PAK5: variants seen among roughly 807,000 people sequenced by gnomAD.
PAK5 encodes the protein p21 (RAC1) activated kinase 5, also known as serine/threonine-protein kinase PAK 5.
PAK5 carries 16 observed loss-of-function variants against 65.9 expected under a neutral mutation model. The ratio of observed to expected loss-of-function variants is 0.24; its 90% CI spans 0.16 to 0.37. The LOEUF (loss-of-function observed/expected upper bound fraction) is 0.37, where lower values mean the gene tolerates loss of function less well. Ranked by LOEUF, PAK5 falls within the 10% of genes least tolerant of loss-of-function variation. PAK5 has a pLI of 1.00. For missense variants in PAK5, 785 were observed against 903.9 expected, an observed-to-expected ratio of 0.87 and a Z score of 1.69; for synonymous variants, 371 against 354.9, an observed-to-expected ratio of 1.05 and a Z score of -0.51.
At chr20:9,562,466 G>A (rs2045605430) in intron 6 of PAK5, among the ~76,000 whole-genome samples, 1 of 152,166 alleles carries the variant, frequency 6.6e-6, no homozygotes, top group African/African-American at 2.4e-5. Context: ...GTGCCACCCA[G>A]ATTCATTATT....
At chr20:9,835,745 T>C (rs1438674508) in intron 1 of PAK5, among the ~76,000 whole-genome samples, 3 of 152,118 alleles carry the variant, frequency 2.0e-5, no homozygotes, top group Admixed American at 6.5e-5. Flanking sequence ...TAAGACTGCA[T>C]GATGGTTTTA....
At chr20:9,781,458 T>G (rs140729939) in intron 1 of PAK5, among the ~76,000 whole-genome samples, 3 of 152,146 alleles carry the variant, frequency 2.0e-5, no homozygotes, top group African/African-American at 7.2e-5. Context: ...CACACCATAT[T>G]TGTGTAAACT....
chr20:9,729,251 T>C (rs1436370311), intron 1 of PAK5, among the ~76,000 whole-genome samples: 3 of 151,870 alleles, frequency 2.0e-5, no homozygotes, highest in Non-Finnish European at 4.4e-5. Context: ...AAAAAATTCA[T>C]AATAAAAATT....
intron 2 of PAK5, among the ~76,000 whole-genome samples, chr20:9,660,448 G>C (rs2047329434): frequency 6.6e-6 from 1 of 151,802 alleles, no homozygotes; most frequent in Admixed American, 6.6e-5. Context: ...CAATAGGGAG[G>C]CAGACAAAGA....
intron 3 of PAK5, among the ~76,000 whole-genome samples, chr20:9,586,587 TA>T (rs1257800922): frequency 6.6e-6 from 1 of 152,144 alleles, no homozygotes; most frequent in Non-Finnish European, 1.5e-5. Context: ...GCCTATTAAA[TA>T]GAGCTTTTTC....
intron 1 of PAK5, among the ~76,000 whole-genome samples, chr20:9,774,848 C>T (rs1369177732): frequency 6.6e-6 from 1 of 151,672 alleles, no homozygotes; most frequent in Non-Finnish European, 1.5e-5. Flanking sequence ...CCCAGCTACT[C>T]GGGAGGTTGA....
Position 9,563,582 on chromosome 20 carries a change from T to C in PAK5, c.1483-558A>G, listed in dbSNP as rs554752730. Among the ~76,000 whole-genome samples, 13 of 152,266 alleles carry C rather than the reference T, an allele frequency of 8.5e-5. No individual in the cohort carries two copies. In the East Asian group the frequency reaches 2.3e-3, roughly 27 times the overall value. ...AAAGAATATATATTGAAGATAAAAA[T>C]AAGTATGGCATAGAAATTAAAAAGG... On this transcript the variant is annotated intron_variant, in intron 5 of 9. Coordinates refer to ENST00000353224, the MANE Select transcript of PAK5 (RefSeq NM_177990.4).
chr20:9,685,326 A>C (rs141403142), intron 2 of PAK5, among the ~76,000 whole-genome samples: 85 of 152,306 alleles, frequency 5.6e-4, no homozygotes, highest in African/African-American at 1.6e-3. Context: ...TTTATTTGGA[A>C]ATAGAGTCAT....
At chr20:9,606,197 G>A (rs893355019) in intron 3 of PAK5, among the ~76,000 whole-genome samples, 2 of 152,086 alleles carry the variant, frequency 1.3e-5, no homozygotes, top group South Asian at 2.1e-4. Context: ...GTTCTCACAA[G>A]ATCTCAGTCT....
intron 1 of PAK5, among the ~76,000 whole-genome samples, chr20:9,804,038 C>T (rs2049202389): frequency 6.6e-6 from 1 of 152,132 alleles, no homozygotes; most frequent in Admixed American, 6.6e-5. Flanking sequence ...TGGTGGGAGA[C>T]CTTCTAGCCC....
chr20:9,754,709 TATC>T (rs558842810), intron 1 of PAK5, among the ~76,000 whole-genome samples: 32 of 152,326 alleles, frequency 2.1e-4, no homozygotes, highest in African/African-American at 7.5e-4. Flanking sequence ...AAAGCATTGT[TATC>T]ATGTTTCTTT....
At position 9,773,941 on chromosome 20, in the gene PAK5, C is replaced by G. The variant is rs137884036; in HGVS notation, c.-161-62506G>C. Among the ~76,000 whole-genome samples, 22 of 152,258 alleles carry G rather than the reference C, an allele frequency of 1.4e-4. No homozygotes were observed. In the East Asian group the frequency reaches 4.1e-3, roughly 28 times the overall value. Reference sequence around the variant, plus strand: ...AGTAACTGTTCCCTATTGCTGTTTTCTCATACTGGACAGAGCACTGGACAG... The same window carrying G: ...AGTAACTGTTCCCTATTGCTGTTTTGTCATACTGGACAGAGCACTGGACAG... On this transcript the variant is annotated intron_variant, in intron 1 of 9. Transcript: ENST00000353224.
At chr20:9,625,423 T>C (rs898001255) in intron 3 of PAK5, among the ~76,000 whole-genome samples, 2 of 152,204 alleles carry the variant, frequency 1.3e-5, no homozygotes, top group African/African-American at 4.8e-5. Flanking sequence ...TGCGCCATGC[T>C]GGGTAGTCCC....
chr20:9,640,948 C>T (rs1038226100), intron 3 of PAK5, among the ~76,000 whole-genome samples: 6 of 152,162 alleles, frequency 3.9e-5, no homozygotes, highest in Admixed American at 3.3e-4. Context: ...AACAAAGCTT[C>T]CACAGTGTGG....
chr20:9,783,995 T>C (rs980912422), intron 1 of PAK5, among the ~76,000 whole-genome samples: 6 of 152,148 alleles, frequency 3.9e-5, no homozygotes, highest in African/African-American at 1.2e-4. Flanking sequence ...ATCAATTAAC[T>C]ACAATTCTAC....
At chr20:9,719,516 T>C (rs942980089) in intron 1 of PAK5, among the ~76,000 whole-genome samples, 20 of 152,076 alleles carry the variant, frequency 1.3e-4, no homozygotes, top group African/African-American at 4.6e-4. Flanking sequence ...TATACTATTA[T>C]CACATTACTG....
At chr20:9,689,914 G>A (rs903398869) in intron 2 of PAK5, among the ~76,000 whole-genome samples, 4 of 152,152 alleles carry the variant, frequency 2.6e-5, no homozygotes, top group South Asian at 2.1e-4. Context: ...AAGCAGGCCT[G>A]CAGGCATCAG....
intron 2 of PAK5, among the ~76,000 whole-genome samples, chr20:9,697,214 G>T (rs1389891924): frequency 6.6e-6 from 1 of 152,050 alleles, no homozygotes; most frequent in African/African-American, 2.4e-5. Flanking sequence ...GGGTAAAGAT[G>T]TTTAGTTCAC....
At chr20:9,698,477 C>CAATA (rs900680364) in intron 2 of PAK5, among the ~76,000 whole-genome samples, 19 of 152,082 alleles carry the variant, frequency 1.2e-4, no homozygotes, top group Non-Finnish European at 2.1e-4. Flanking sequence ...ATCCATTTCC[C>CAATA]AATAAAAAAC....
Sources: gnomAD v4.1 joint callset for allele counts (sites outside exome capture counted in the v4.1 genomes callset) on GRCh38, gnomAD v4.1.1 for gene constraint, MANE v1.5 for transcripts, NCBI Gene and HGNC (gene_info 2026-07-23, HGNC 2026-07-21) for gene names.